Variants in FMN1 observed in about 807,000 individuals in gnomAD.
The protein encoded by FMN1 is formin 1, also known as formin-1.
Under a neutral mutation model 132.4 loss-of-function variants are expected in FMN1, and 110 were observed. The observed-to-expected ratio is 0.83, with a 90% CI of 0.71 to 0.97. The LOEUF (loss-of-function observed/expected upper bound fraction) is 0.97. FMN1 is among the 50% of genes least tolerant of loss of function. The pLI is 0.00. For synonymous variants in FMN1, 722 were observed against 651.7 expected (o/e 1.11, Z -1.64); for missense variants, 1,792 against 1,705.3 (o/e 1.05, Z -0.90).
chr15:33,086,747 G>C (rs2038712603), intron 5 of FMN1, among the ~76,000 whole-genome samples: 1 of 152,176 alleles, frequency 6.6e-6, no homozygotes, highest in Non-Finnish European at 1.5e-5. Flanking sequence ...TTATATATGG[G>C]AACAAAACCA....
chr15:33,151,486 C>A (rs1009967890), intron 4 of FMN1: 2 of 1,139,280 alleles, frequency 1.8e-6, no homozygotes, highest in African/African-American at 1.6e-5. Flanking sequence ...CAGTCTCCAA[C>A]AGAAACTGAA....
Position 32,798,961 on chromosome 15 carries a change from A to G in FMN1, c.3981-8T>C, listed in dbSNP as rs1319320053. 1 of 1,612,492 alleles carries G rather than the reference A, an allele frequency of 6.2e-7. No individual in the cohort carries two copies. The highest frequency in any genetic ancestry group is 1.1e-5 in the South Asian group (1 of 90,552). On this transcript the variant is annotated splice_region_variant and splice_polypyrimidine_tract_variant and intron_variant, in intron 18 of 20. Transcript: ENST00000616417. ...CGTACTGTTGTTTCAAAACTGCAAC[A>G]GGTAGGGGGGAAAATGGAATGAGGT...
chr15:32,846,355 A>C (rs2058856240), intron 17 of FMN1, among the ~76,000 whole-genome samples: 1 of 152,198 alleles, frequency 6.6e-6, no homozygotes, highest in East Asian at 1.9e-4. Context: ...TAGTATCCAG[A>C]ATCTATAAGG....
chr15:32,842,432 T>G (rs773772031), intron 17 of FMN1, among the ~76,000 whole-genome samples: 3 of 152,198 alleles, frequency 2.0e-5, no homozygotes, highest in Non-Finnish European at 4.4e-5. Flanking sequence ...CATTAAACTG[T>G]GAGAGATAGG....
At chr15:33,127,768 T>C (rs746575599) in intron 4 of FMN1, among the ~76,000 whole-genome samples, 2 of 152,214 alleles carry the variant, frequency 1.3e-5, no homozygotes, top group Non-Finnish European at 2.9e-5. Context: ...CACATCCACT[T>C]GCAGTGTCTG....
At chr15:32,900,654 T>C (rs1273254805) in intron 13 of FMN1, among the ~76,000 whole-genome samples, 1 of 152,250 alleles carries the variant, frequency 6.6e-6, no homozygotes, top group African/African-American at 2.4e-5. Flanking sequence ...TAGGCCATCT[T>C]TAATAAATTT....
At chr15:33,157,368 G>A (rs1014046905) in intron 3 of FMN1, among the ~76,000 whole-genome samples, 1 of 151,664 alleles carries the variant, frequency 6.6e-6, no homozygotes, top group African/African-American at 2.4e-5. Context: ...GAGGGAATTT[G>A]TATATACTGA....
intron 16 of FMN1, among the ~76,000 whole-genome samples, chr15:32,870,699 C>A (rs994475836): frequency 6.6e-6 from 1 of 152,140 alleles, no homozygotes; most frequent in Non-Finnish European, 1.5e-5. Flanking sequence ...GAAACATATT[C>A]ATTAATCACC....
In FMN1 at chr15:32,980,673, C is replaced by T. The variant is rs188161302; in HGVS notation, c.2224-11196G>A. Among the ~76,000 whole-genome samples, 467 of 152,300 alleles carry T rather than the reference C, an allele frequency of 3.1e-3. 3 individuals carry two copies. Among genetic ancestry groups the T allele is most frequent in the Middle Eastern group, 0.01 (3 of 294 alleles). ...TTTCTCTGATTTCCTGAATCTATGT[C>T]TCTAAAATGGTTTCATTGATTAGGG... On this transcript the variant is annotated intron_variant, in intron 7 of 20. Transcript: ENST00000616417.
At chr15:33,047,999 A>G (rs1023651893) in intron 6 of FMN1, among the ~76,000 whole-genome samples, 1 of 152,232 alleles carries the variant, frequency 6.6e-6, no homozygotes, top group Non-Finnish European at 1.5e-5. Flanking sequence ...TAATTTGCTT[A>G]AAGAAAAATA....
In FMN1 at chr15:32,898,990, C is replaced by T. The variant is rs189259132; in HGVS notation, c.3655-97G>A. On this transcript the variant is annotated intron_variant, in intron 14 of 20. Coordinates refer to ENST00000616417, the MANE Select transcript of FMN1 (RefSeq NM_001277313.2). ...AATCTCAGTTGAGAAATTTCTAATT[C>T]GTGAAAACTGGCTTTCTCTTCGATG... The T allele has an allele frequency of 5.3e-5, 44 of 830,798 alleles. 1 individual carries two copies. The highest frequency in any genetic ancestry group is 1.5e-4 in the East Asian group (6 of 40,110). The allele number at this position is 830,798 out of a possible 1,614,324, so 51.5% of individuals were successfully genotyped here.
At chr15:32,966,318 G>A (rs1157075084) in intron 8 of FMN1, among the ~76,000 whole-genome samples, 1 of 152,102 alleles carries the variant, frequency 6.6e-6, no homozygotes. Context: ...TATGGGAAAG[G>A]TATTTCCAAT....
intron 17 of FMN1, among the ~76,000 whole-genome samples, chr15:32,855,203 A>C (rs546736575): frequency 3.4e-5 from 5 of 149,040 alleles, no homozygotes; most frequent in Admixed American, 6.7e-5. Context: ...AGAAAATCTG[A>C]TGCCTGGCCC....
At chr15:33,086,131 G>A (rs1476086614) in intron 5 of FMN1, among the ~76,000 whole-genome samples, 1 of 151,824 alleles carries the variant, frequency 6.6e-6, no homozygotes, top group Non-Finnish European at 1.5e-5. Flanking sequence ...TGCGCCTGTA[G>A]TCCCAGCTAC....
chr15:32,973,344 A>G (rs1596375351), intron 7 of FMN1, among the ~76,000 whole-genome samples: 1 of 152,108 alleles, frequency 6.6e-6, no homozygotes, highest in South Asian at 2.1e-4. Flanking sequence ...GGTCTTTGCA[A>G]ATACTGTCCT....
chr15:33,001,729 T>C (rs1262100576), intron 7 of FMN1, among the ~76,000 whole-genome samples: 4 of 130,398 alleles, frequency 3.1e-5, no homozygotes, highest in South Asian at 3.0e-4. Context: ...CCTCCTCCTC[T>C]TCTTTTTTGA....
chr15:33,142,173 T>C (rs2140253783), intron 4 of FMN1, among the ~76,000 whole-genome samples: 1 of 152,292 alleles, frequency 6.6e-6, no homozygotes, highest in African/African-American at 2.4e-5. Flanking sequence ...GCACATTTTC[T>C]CCCTTGATAT....
At chr15:33,069,239 G>T (rs898118314) in intron 5 of FMN1, among the ~76,000 whole-genome samples, 5 of 152,192 alleles carry the variant, frequency 3.3e-5, no homozygotes, top group African/African-American at 1.2e-4. Flanking sequence ...AAGGATGGGG[G>T]TAAAAATTGC....
intron 12 of FMN1, among the ~76,000 whole-genome samples, chr15:32,906,717 C>A (rs1249649315): frequency 6.6e-6 from 1 of 152,160 alleles, no homozygotes; most frequent in Non-Finnish European, 1.5e-5. Flanking sequence ...AAGAGGGATT[C>A]ATTTGTTATA....
Sources: gnomAD v4.1 joint callset for allele counts (sites outside exome capture counted in the v4.1 genomes callset) on GRCh38, gnomAD v4.1.1 for gene constraint, MANE v1.5 for transcripts, NCBI Gene and HGNC (gene_info 2026-07-23, HGNC 2026-07-21) for gene names.